Variants in PDE1A observed in about 807,000 individuals in gnomAD.
PDE1A encodes the protein dual specificity calcium/calmodulin-dependent 3',5'-cyclic nucleotide phosphodiesterase 1A.
In PDE1A, 35 loss-of-function variants were observed where a neutral mutation model predicts 61.7. The observed-to-expected ratio is 0.57, with a 90% CI of 0.43 to 0.75. The LOEUF is 0.75. Among genes scored for constraint, PDE1A ranks in the 30% least tolerant of loss-of-function variants. PDE1A has a pLI of 0.00. For missense variants in PDE1A, 597 were observed against 630.6 expected, an observed-to-expected ratio of 0.95 and a Z score of 0.57; for synonymous variants, 232 against 213.2, an observed-to-expected ratio of 1.09 and a Z score of -0.77.
intron 2 of PDE1A, among the ~76,000 whole-genome samples, chr2:182,501,152 G>A (rs1248477706): frequency 3.3e-5 from 5 of 152,192 alleles, no homozygotes; most frequent in Non-Finnish European, 7.3e-5. Flanking sequence ...CTACTACTGT[G>A]AATAGAGGCA....
the PDE1A span, among the ~76,000 whole-genome samples, chr2:182,539,433 G>T: frequency 6.6e-6 from 1 of 152,040 alleles, no homozygotes. Flanking sequence ...GACAGCCCAG[G>T]ATTTATAAAC....
chr2:182,472,947 T>TC (rs1559494547), intron 2 of PDE1A, among the ~76,000 whole-genome samples: 3 of 150,844 alleles, frequency 2.0e-5, no homozygotes, highest in African/African-American at 7.3e-5. Context: ...TATTAATTTT[T>TC]TTTTTTTAAA....
the PDE1A span, among the ~76,000 whole-genome samples, chr2:182,604,518 A>T: frequency 1.3e-5 from 2 of 152,208 alleles, no homozygotes; most frequent in Non-Finnish European, 2.9e-5. Flanking sequence ...AAAAGTAATC[A>T]TTTGCTCAGT....
intron 2 of PDE1A, among the ~76,000 whole-genome samples, chr2:182,247,657 ATAATG>A (rs1176167411): frequency 6.6e-6 from 1 of 152,362 alleles, no homozygotes; most frequent in East Asian, 1.9e-4. Flanking sequence ...AACAAAAACT[ATAATG>A]TAATATGGAC....
intron 2 of PDE1A, among the ~76,000 whole-genome samples, chr2:182,492,759 T>C (rs1688470483): frequency 1.3e-5 from 2 of 152,210 alleles, no homozygotes; most frequent in Admixed American, 1.3e-4. Context: ...AACTTTTGTT[T>C]ATTGTTATAT....
At chr2:182,319,336 A>C (rs890560136) in intron 1 of PDE1A, among the ~76,000 whole-genome samples, 3 of 152,188 alleles carry the variant, frequency 2.0e-5, no homozygotes, top group Non-Finnish European at 2.9e-5. Flanking sequence ...ATAGGGAACA[A>C]AAGAGATTTT....
chr2:182,516,375 G>C (rs996705837), intron 2 of PDE1A, among the ~76,000 whole-genome samples: 3 of 152,078 alleles, frequency 2.0e-5, no homozygotes, highest in Non-Finnish European at 4.4e-5. Context: ...GATTGGCCAG[G>C]CATGGTGGCT....
At chr2:182,495,002 T>C (rs1055902265) in intron 2 of PDE1A, among the ~76,000 whole-genome samples, 10 of 152,168 alleles carry the variant, frequency 6.6e-5, no homozygotes, top group Non-Finnish European at 1.3e-4. Context: ...AAGGACTCCC[T>C]TTCTCATCCC....
At chr2:182,495,972 T>C (rs1688688102) in intron 2 of PDE1A, among the ~76,000 whole-genome samples, 1 of 152,210 alleles carries the variant, frequency 6.6e-6, no homozygotes, top group African/African-American at 2.4e-5. Flanking sequence ...GGAGATTTAG[T>C]GGGATAACAA....
chr2:182,458,899 T>C (rs988479025), intron 2 of PDE1A, among the ~76,000 whole-genome samples: 1 of 152,110 alleles, frequency 6.6e-6, no homozygotes, highest in African/African-American at 2.4e-5. Flanking sequence ...TCCACTCTTC[T>C]AGCCATTTGT....
intron 13 of PDE1A, among the ~76,000 whole-genome samples, chr2:182,173,601 C>G (rs187464717): frequency 6.6e-6 from 1 of 151,578 alleles, no homozygotes; most frequent in Admixed American, 6.6e-5. Context: ...TATAAAATTA[C>G]TAACATGATC....
chr2:182,208,157 G>C (rs1687270708), intron 7 of PDE1A, among the ~76,000 whole-genome samples: 1 of 152,198 alleles, frequency 6.6e-6, no homozygotes, highest in African/African-American at 2.4e-5. Flanking sequence ...TAGTGGGGCT[G>C]TGAGAAGAGG....
intron 2 of PDE1A, among the ~76,000 whole-genome samples, chr2:182,460,450 G>A (rs1197704524): frequency 6.6e-6 from 1 of 152,094 alleles, no homozygotes; most frequent in Non-Finnish European, 1.5e-5. Context: ...TGTTTCCCAG[G>A]CTTGCCTCTA....
At chr2:182,292,494 A>G (rs1694603245) in intron 1 of PDE1A, among the ~76,000 whole-genome samples, 1 of 152,020 alleles carries the variant, frequency 6.6e-6, no homozygotes, top group African/African-American at 2.4e-5. Context: ...ACAGAATTTG[A>G]TAATTATTTC....
Position 182,182,571 on chromosome 2 carries a change from C to G in PDE1A, c.1516+3321G>C, listed in dbSNP as rs551701057. Among the ~76,000 whole-genome samples the G allele has an allele frequency of 6.6e-5, 10 of 152,234 alleles. No homozygotes were observed. The South Asian group carries it at 1.5e-3, about 22-fold the overall frequency. ...GAGTAATCCTTTTGAAACCTCAGTT[C>G]AGATCAATCAACATTTTTTCTCAAA... On this transcript the variant is annotated intron_variant, in intron 13 of 13. Transcript: ENST00000351439.
At chr2:182,208,338 T>A (rs1687288572) in intron 7 of PDE1A, among the ~76,000 whole-genome samples, 1 of 152,148 alleles carries the variant, frequency 6.6e-6, no homozygotes. Flanking sequence ...AGGCACATCT[T>A]AAATGGCAGC....
chr2:182,426,842 G>A (rs1574631875), exon 1 of PDE1A: 2 of 1,380,354 alleles, frequency 1.4e-6, no homozygotes, highest in African/African-American at 1.5e-5. Context: ...GCACGTTGGG[G>A]CACTCCCCCA....
chr2:182,291,721 T>C (rs912174600), intron 1 of PDE1A, among the ~76,000 whole-genome samples: 1 of 152,144 alleles, frequency 6.6e-6, no homozygotes, highest in African/African-American at 2.4e-5. Context: ...AATAAGCTGC[T>C]GCAGTACAAA....
intron 1 of PDE1A, among the ~76,000 whole-genome samples, chr2:182,325,437 T>G (rs1201641826): frequency 6.6e-6 from 1 of 151,918 alleles, no homozygotes; most frequent in East Asian, 1.9e-4. Context: ...ACCAAAAACA[T>G]GGGTAATGAA....
Sources: gnomAD v4.1 joint callset for allele counts (sites outside exome capture counted in the v4.1 genomes callset) on GRCh38, gnomAD v4.1.1 for gene constraint, MANE v1.5 for transcripts, NCBI Gene and HGNC (gene_info 2026-07-23, HGNC 2026-07-21) for gene names.